The following CDIP1 variants were observed in gnomAD, a reference collection of about 807,000 sequenced individuals.
The protein encoded by CDIP1 is cell death-inducing p53-target protein 1.
In CDIP1, 9 loss-of-function variants were observed where a neutral mutation model predicts 17.7. The ratio of observed to expected loss-of-function variants is 0.51; its 90% CI spans 0.31 to 0.89. CDIP1 has a LOEUF of 0.89. CDIP1 is among the 40% of genes least tolerant of loss of function. CDIP1 has a pLI of 0.05. For missense variants in CDIP1, 263 were observed against 277.9 expected (o/e 0.95, Z 0.38); for synonymous variants, 117 against 109.5 (o/e 1.07, Z -0.43).
chr16:4,519,599 G>T (rs1223066892), intron 1 of CDIP1, among the ~76,000 whole-genome samples: 1 of 152,138 alleles, frequency 6.6e-6, no homozygotes, highest in East Asian at 1.9e-4. Context: ...CCTTGATCCT[G>T]GACTTCCCAA....
At chr16:4,522,310 A>G (rs2058959120) in intron 1 of CDIP1, 2 of 152,292 alleles carry the variant, frequency 1.3e-5, no homozygotes, top group African/African-American at 4.8e-5. Flanking sequence ...CCCTGGAAGG[A>G]TGCTCCACCA....
chr16:4,536,386 C>G (rs2141664854), intron 1 of CDIP1: 1 of 152,272 alleles, frequency 6.6e-6, no homozygotes, highest in Non-Finnish European at 1.5e-5. Flanking sequence ...CCCAGTTCCC[C>G]TAGACCTTAG....
Position 4,514,224 on chromosome 16 carries a change from G to C in CDIP1, c.-14-80C>G. On this transcript the variant is annotated intron_variant, in intron 2 of 5. Transcript: ENST00000567695. This position sits in a 1 kb window ranked among gnomAD's most constrained non-coding sequence, Gnocchi z 5.2. ...TCCTTCAGCCCTGTGGGGTGGCCAA[G>C]ATGCTGCACAAGGCGTGTGACCATC... 1.3e-6 allele frequency: 1 copy of C among 791,646 alleles called. No individual in the cohort carries two copies. Among genetic ancestry groups the C allele is most frequent in the Non-Finnish European group, 2.0e-6 (1 of 502,514 alleles). The allele number at this position is 791,646 out of a possible 1,614,324, so 49.0% of individuals were successfully genotyped here.
chr16:4,522,262 C>T (rs745648883), intron 1 of CDIP1, among the ~76,000 whole-genome samples: 3 of 152,204 alleles, frequency 2.0e-5, no homozygotes, highest in Admixed American at 6.5e-5. Flanking sequence ...TGTGGAAATG[C>T]CAGGGGCCTG....
Position 4,513,767 on chromosome 16 carries a change from G to A in CDIP1, c.170C>T (p.Pro57Leu), listed in dbSNP as rs377466713. ...ADIGPPPYEP[P>L]GHPMPQPGFI... ...GCCAGGCTGGGGCATTGGGTGACCC[G>A]GCGGCTCATAGGGTGGGGGGCCAAT... Residue 57 changes from proline (P) to leucine (L), a missense_variant, in exon 4 of 6, where the codon CCG (proline) becomes CTG (leucine). Physicochemically the swap from Pro to Leu is moderately conservative, Grantham distance 98. Coordinates refer to ENST00000567695, the MANE Select transcript of CDIP1 (RefSeq NM_013399.3). The surrounding 1 kb of genome is among the most constrained non-coding windows in gnomAD (Gnocchi z 4.1). 1.6e-5 allele frequency: 26 copies of A among 1,611,858 alleles called. No homozygotes were observed. The highest frequency in any genetic ancestry group is 4.0e-5 in the African/African-American group (3 of 74,852).
At position 4,514,136 on chromosome 16, in the gene CDIP1, C is replaced by T. The variant is rs776053712; in HGVS notation, c.-6G>A. ...GGGGGAGGCTCGCTGGACATCTTCGCTGCTTCTCCTGGACATGGAGGGAAA... is the reference window on the plus strand; with the variant it reads ...GGGGGAGGCTCGCTGGACATCTTCGTTGCTTCTCCTGGACATGGAGGGAAA... On this transcript the variant is annotated 5_prime_UTR_variant, in exon 3 of 6. Transcript: ENST00000567695. This position sits in a 1 kb window ranked among gnomAD's most constrained non-coding sequence, Gnocchi z 5.2. 17 of 1,532,248 alleles carry T rather than the reference C, an allele frequency of 1.1e-5. No homozygotes were observed. The highest frequency in any genetic ancestry group is 1.5e-5 in the Non-Finnish European group (17 of 1,146,088). 94.9% of individuals were successfully genotyped at this position (1,532,248 alleles called of 1,614,324 possible). A position where few individuals can be genotyped will look rare whatever the true frequency, so the allele number is the denominator to read the frequency against.
intron 1 of CDIP1, among the ~76,000 whole-genome samples, chr16:4,525,581 G>C (rs1056890176): frequency 6.6e-6 from 1 of 152,140 alleles, no homozygotes; most frequent in African/African-American, 2.4e-5. Flanking sequence ...CCAAACCTGG[G>C]GCTAATCCAG....
chr16:4,526,573 G>A (rs1230367840), intron 1 of CDIP1, among the ~76,000 whole-genome samples: 2 of 151,574 alleles, frequency 1.3e-5, no homozygotes, highest in African/African-American at 4.8e-5. Context: ...GATGGCGGGC[G>A]CCTGCAGTCC....
Position 4,513,178 on chromosome 16 carries a change from T to C in CDIP1, c.242-114A>G. On this transcript the variant is annotated intron_variant, in intron 4 of 5. Coordinates refer to ENST00000567695, the MANE Select transcript of CDIP1 (RefSeq NM_013399.3). The surrounding 1 kb of genome is among the most constrained non-coding windows in gnomAD (Gnocchi z 4.1). The stretch of plus-strand genomic sequence containing the variant: ...AGCGCCCAGCGTGCAAGGCTACGCC[T>C]CAGACCTCCTACCGCCCTCCTAACG... 9.0e-7 allele frequency: 1 copy of C among 1,107,686 alleles called. No individual in the cohort carries two copies. Among genetic ancestry groups the C allele is most frequent in the Admixed American group, 2.9e-5 (1 of 34,694 alleles). 68.6% of individuals were successfully genotyped at this position (1,107,686 alleles called of 1,614,324 possible). A position where few individuals can be genotyped will look rare whatever the true frequency, so the allele number is the denominator to read the frequency against.
At chr16:4,537,431 C>T (rs996693771) in intron 1 of CDIP1, among the ~76,000 whole-genome samples, 3 of 152,240 alleles carry the variant, frequency 2.0e-5, no homozygotes, top group Admixed American at 1.3e-4. Flanking sequence ...CCTCCCTCCA[C>T]CCAGTTCTAC....
Position 4,514,447 on chromosome 16 carries a change from G to A in CDIP1, c.-15+128C>T, listed in dbSNP as rs1180369497. 5 of 356,398 alleles carry A rather than the reference G, an allele frequency of 1.4e-5. No homozygotes were observed. The highest frequency in any genetic ancestry group is 5.0e-5 in the East Asian group (1 of 20,134). The allele number at this position is 356,398 out of a possible 1,614,324, so 22.1% of individuals were successfully genotyped here. A position where few individuals can be genotyped will look rare whatever the true frequency, so the allele number is the denominator to read the frequency against. On this transcript the variant is annotated intron_variant, in intron 2 of 5. Coordinates refer to ENST00000567695, the MANE Select transcript of CDIP1 (RefSeq NM_013399.3). The surrounding 1 kb of genome is among the most constrained non-coding windows in gnomAD (Gnocchi z 5.2). ...GCCTAACTCAGCACTTGCCCCACACGAGAGCAGTTTGGCACCGAGCTCTCC... is the reference window on the plus strand; with the variant it reads ...GCCTAACTCAGCACTTGCCCCACACAAGAGCAGTTTGGCACCGAGCTCTCC...
chr16:4,528,931 G>A (rs1007928725), intron 1 of CDIP1, among the ~76,000 whole-genome samples: 4 of 152,154 alleles, frequency 2.6e-5, no homozygotes, highest in Non-Finnish European at 4.4e-5. Context: ...AGAGGTTGCA[G>A]TAAGCTGAGG....
At chr16:4,534,442 C>T (rs1405792379) in intron 1 of CDIP1, among the ~76,000 whole-genome samples, 4 of 152,350 alleles carry the variant, frequency 2.6e-5, no homozygotes, top group African/African-American at 2.4e-5. Context: ...GGAGAGCCCA[C>T]GTCTCCCTCA....
At chr16:4,524,721 C>A (rs1289413234) in intron 1 of CDIP1, among the ~76,000 whole-genome samples, 6 of 152,224 alleles carry the variant, frequency 3.9e-5, no homozygotes, top group Admixed American at 2.0e-4. Context: ...GACCACCTCC[C>A]ACATCTTCCA....
chr16:4,522,028 C>T (rs538238085), intron 1 of CDIP1, among the ~76,000 whole-genome samples: 4 of 152,198 alleles, frequency 2.6e-5, no homozygotes, highest in Non-Finnish European at 5.9e-5. Flanking sequence ...CCTTCTGATT[C>T]CCAACGAGGG....
Position 4,513,959 on chromosome 16 carries a change from G to A in CDIP1, c.85+87C>T. 3 of 1,356,246 alleles carry A rather than the reference G, an allele frequency of 2.2e-6. No homozygotes were observed. In the South Asian group the frequency reaches 4.3e-5, roughly 19 times the overall value. 84.0% of individuals were successfully genotyped at this position (1,356,246 alleles called of 1,614,324 possible). On this transcript the variant is annotated intron_variant, in intron 3 of 5. Transcript: ENST00000567695. This position sits in a 1 kb window ranked among gnomAD's most constrained non-coding sequence, Gnocchi z 4.1. ...CAGATGGGGCCCAGGGGTAACCCTG[G>A]AGTGGGCATCACCACTTAGAGAGTC...
At chr16:4,538,101 C>T (rs974716351) in intron 1 of CDIP1, among the ~76,000 whole-genome samples, 2 of 152,166 alleles carry the variant, frequency 1.3e-5, no homozygotes, top group African/African-American at 4.8e-5. Flanking sequence ...TCTCGCCCTG[C>T]AAGACGGAGA....
In CDIP1 at chr16:4,512,710, C is replaced by T. The variant is rs1233590238; in HGVS notation, c.516-27G>A. Reference sequence around the variant, plus strand: ...TGAATCAGAGACAGGGAAGAACAGGCTGAGGCCTGCTGCGGAGGAGGCAGA... The same window carrying T: ...TGAATCAGAGACAGGGAAGAACAGGTTGAGGCCTGCTGCGGAGGAGGCAGA... On this transcript the variant is annotated intron_variant, in intron 5 of 5. Transcript: ENST00000567695. The surrounding 1 kb of genome is among the most constrained non-coding windows in gnomAD (Gnocchi z 4.6). The T allele has an allele frequency of 1.9e-6, 3 of 1,608,694 alleles. No individual in the cohort carries two copies. The highest frequency in any genetic ancestry group is 2.6e-6 in the Non-Finnish European group (3 of 1,175,738).
intron 1 of CDIP1, among the ~76,000 whole-genome samples, chr16:4,516,663 T>TA (rs1204088141): frequency 1.3e-5 from 2 of 148,502 alleles, no homozygotes; most frequent in Non-Finnish European, 3.0e-5. Flanking sequence ...CCATACCATA[T>TA]AAAAATATAG....
Sources: gnomAD v4.1 joint callset for allele counts (sites outside exome capture counted in the v4.1 genomes callset) on GRCh38, gnomAD v4.1.1 for gene constraint, Gnocchi (gnomAD v3.1) non-coding constraint, MANE v1.5 for transcripts, NCBI Gene and HGNC (gene_info 2026-07-23, HGNC 2026-07-21) for gene names.